STAU2: variants seen among roughly 807,000 people sequenced by gnomAD.
The protein encoded by STAU2 is double-stranded RNA-binding protein Staufen homolog 2.
STAU2 carries 20 observed loss-of-function variants against 65.9 expected under a neutral mutation model. The ratio of observed to expected loss-of-function variants is 0.30; its 90% CI spans 0.21 to 0.44. The LOEUF (loss-of-function observed/expected upper bound fraction) is 0.44. Among genes scored for constraint, STAU2 ranks in the 20% least tolerant of loss-of-function variants. STAU2 has a pLI of 1.00. For missense variants in STAU2, 558 were observed against 683.9 expected, an observed-to-expected ratio of 0.82 and a Z score of 2.05; for synonymous variants, 232 against 233.9, an observed-to-expected ratio of 0.99 and a Z score of 0.07.
chr8:73,654,235 T>C (rs1382914240), intron 6 of STAU2, among the ~76,000 whole-genome samples: 1 of 152,148 alleles, frequency 6.6e-6, no homozygotes, highest in Non-Finnish European at 1.5e-5. Context: ...AGGTGATAAA[T>C]ACAATTTTAT....
intron 13 of STAU2, among the ~76,000 whole-genome samples, chr8:73,482,901 C>A (rs1474742407): frequency 6.6e-6 from 1 of 152,120 alleles, no homozygotes; most frequent in South Asian, 2.1e-4. Context: ...GCTATTTAAC[C>A]AACTGAGATG....
chr8:73,434,468 C>T (rs1178621802), intron 13 of STAU2, among the ~76,000 whole-genome samples: 1 of 151,868 alleles, frequency 6.6e-6, no homozygotes, highest in Non-Finnish European at 1.5e-5. Context: ...CTCCCTGTCA[C>T]CTGAACAAGG....
chr8:73,591,178 G>A (rs1366185270), intron 11 of STAU2, among the ~76,000 whole-genome samples: 2 of 151,984 alleles, frequency 1.3e-5, no homozygotes, highest in African/African-American at 4.8e-5. Context: ...ACTATATAAA[G>A]CAAAATTAGT....
At chr8:73,456,504 G>C (rs1288193311) in intron 13 of STAU2, among the ~76,000 whole-genome samples, 1 of 152,100 alleles carries the variant, frequency 6.6e-6, no homozygotes, top group Non-Finnish European at 1.5e-5. Flanking sequence ...TTGGAAATGT[G>C]GACATGAAAG....
intron 13 of STAU2, chr8:73,438,968 T>C (rs763579461): frequency 1.5e-5 from 7 of 456,620 alleles, no homozygotes; most frequent in Non-Finnish European, 3.1e-5. Flanking sequence ...CCACTGGTCA[T>C]GTGAGAAAGC....
At chr8:73,559,149 C>T (rs1808004165) in intron 12 of STAU2, among the ~76,000 whole-genome samples, 1 of 152,172 alleles carries the variant, frequency 6.6e-6, no homozygotes, top group Non-Finnish European at 1.5e-5. Flanking sequence ...TGAAAATGTA[C>T]TATAGTTATA....
In STAU2 at chr8:73,571,765, T is replaced by C. The variant is rs1480275628; in HGVS notation, c.1222+11005A>G. Among the ~76,000 whole-genome samples the C allele has an allele frequency of 2.0e-5, 3 of 152,332 alleles. No individual in the cohort carries two copies. The East Asian group carries it at 5.8e-4, about 29-fold the overall frequency. ...TTAAAGCAGTGTATAGAGGGAAATTTATAGCACTAAATGCCCACAAGAGAA... is the reference window on the plus strand; with the variant it reads ...TTAAAGCAGTGTATAGAGGGAAATTCATAGCACTAAATGCCCACAAGAGAA... On this transcript the variant is annotated intron_variant, in intron 12 of 14. Coordinates refer to ENST00000524300, the MANE Select transcript of STAU2 (RefSeq NM_001164380.2).
At chr8:73,472,465 C>T (rs915450774) in intron 13 of STAU2, among the ~76,000 whole-genome samples, 11 of 151,964 alleles carry the variant, frequency 7.2e-5, no homozygotes, top group African/African-American at 2.7e-4. Context: ...ATTTTTTTCT[C>T]CTGGGTGTTC....
At chr8:73,637,477 T>TGAAAGAAAAAAAAA (rs1814617788) in intron 6 of STAU2, among the ~76,000 whole-genome samples, 1 of 57,086 alleles carries the variant, frequency 1.8e-5, no homozygotes, top group Non-Finnish European at 3.0e-5. Context: ...GTGCTGAAAG[T>TGAAAGAAAAAAAAA]AAAAAAAAAA....
chr8:73,527,599 A>G, intron 13 of STAU2: 1 of 912,218 alleles, frequency 1.1e-6, no homozygotes, highest in South Asian at 1.7e-5. Flanking sequence ...TAAGGAAAGC[A>G]AAGCTGCATG....
chr8:73,712,333 G>A (rs1305754914), intron 3 of STAU2, among the ~76,000 whole-genome samples: 1 of 152,158 alleles, frequency 6.6e-6, no homozygotes, highest in African/African-American at 2.4e-5. Context: ...TGATGGTTAA[G>A]AGCCTGTTTT....
chr8:73,574,558 A>G (rs1809364747), intron 12 of STAU2, among the ~76,000 whole-genome samples: 1 of 152,238 alleles, frequency 6.6e-6, no homozygotes, highest in African/African-American at 2.4e-5. Flanking sequence ...CATATACACC[A>G]TGGAATACTA....
intron 6 of STAU2, among the ~76,000 whole-genome samples, chr8:73,664,759 G>A (rs1817108226): frequency 6.6e-6 from 1 of 152,176 alleles, no homozygotes; most frequent in African/African-American, 2.4e-5. Context: ...GGGAGGACGA[G>A]GTGGGCAGAT....
intron 13 of STAU2, among the ~76,000 whole-genome samples, chr8:73,471,342 T>A (rs1372512671): frequency 6.6e-6 from 1 of 151,532 alleles, no homozygotes; most frequent in Non-Finnish European, 1.5e-5. Context: ...CTGGCTAATT[T>A]ATTTTTTTAT....
chr8:73,654,664 A>AAAAAAAAATAT (rs1554556802), intron 6 of STAU2, among the ~76,000 whole-genome samples: 1 of 122,986 alleles, frequency 8.1e-6, no homozygotes. Flanking sequence ...AAAAAAAAGA[A>AAAAAAAAATAT]CTCTTTTAAT....
chr8:73,634,894 T>C (rs979495315), intron 6 of STAU2, among the ~76,000 whole-genome samples: 33 of 152,208 alleles, frequency 2.2e-4, no homozygotes, highest in Admixed American at 2.2e-3. Context: ...ATTCTTCCTA[T>C]ATAAGCACTT....
At chr8:73,615,654 A>G (rs552464152) in intron 8 of STAU2, 21 bp downstream of exon 8, 32 of 1,576,382 alleles carry the variant, frequency 2.0e-5, no homozygotes, top group Non-Finnish European at 2.4e-5. Context: ...AAAAATGGGA[A>G]GATCTCTACC....
At chr8:73,436,725 T>C (rs1817721883) in intron 13 of STAU2, among the ~76,000 whole-genome samples, 1 of 151,998 alleles carries the variant, frequency 6.6e-6, no homozygotes, top group Non-Finnish European at 1.5e-5. Flanking sequence ...TAACTGAGAT[T>C]ACAGGCATGC....
chr8:73,482,078 C>T (rs1399295043), intron 13 of STAU2, among the ~76,000 whole-genome samples: 1 of 152,096 alleles, frequency 6.6e-6, no homozygotes, highest in Non-Finnish European at 1.5e-5. Context: ...TGTTTGAGCG[C>T]CTCCGAGGTG....
Sources: gnomAD v4.1 joint callset for allele counts (sites outside exome capture counted in the v4.1 genomes callset) on GRCh38, gnomAD v4.1.1 for gene constraint, MANE v1.5 for transcripts, NCBI Gene and HGNC (gene_info 2026-07-23, HGNC 2026-07-21) for gene names.